LPP: variants seen among roughly 807,000 people sequenced by gnomAD.
The protein encoded by LPP is lipoma-preferred partner.
A neutral mutation model predicts 60.4 loss-of-function variants in LPP; 38 were observed. The observed-to-expected ratio is 0.63, with a 90% CI of 0.49 to 0.83. LPP has a LOEUF of 0.83. Among genes scored for constraint, LPP ranks in the 40% least tolerant of loss-of-function variants. LPP has a pLI of 0.00. For synonymous variants in LPP, 328 were observed against 290.8 expected, an observed-to-expected ratio of 1.13 and a Z score of -1.30; for missense variants, 902 against 783.6, an observed-to-expected ratio of 1.15 and a Z score of -1.80.
At chr3:188,720,623 AG>A (rs1234103422) in intron 8 of LPP, among the ~76,000 whole-genome samples, 6 of 150,200 alleles carry the variant, frequency 4.0e-5, no homozygotes, top group Non-Finnish European at 5.9e-5. Flanking sequence ...AAAAAAAAAA[AG>A]GGAAATCACA....
At chr3:188,413,033 C>A (rs1785255810) in intron 4 of LPP, among the ~76,000 whole-genome samples, 2 of 152,096 alleles carry the variant, frequency 1.3e-5, no homozygotes, top group South Asian at 4.1e-4. Context: ...TTCCTAGGAA[C>A]TGATGAGTCC....
intron 1 of LPP, among the ~76,000 whole-genome samples, chr3:188,161,677 A>G (rs1371089359): frequency 6.6e-6 from 1 of 152,194 alleles, no homozygotes; most frequent in African/African-American, 2.4e-5. Context: ...CCCTGTTTCC[A>G]GGTATTTTTC....
intron 2 of LPP, among the ~76,000 whole-genome samples, chr3:188,299,773 G>T (rs1749140109): frequency 6.6e-6 from 1 of 152,092 alleles, no homozygotes; most frequent in African/African-American, 2.4e-5. Context: ...CCTTTCTTGA[G>T]AAAAATGGAT....
At chr3:188,488,032 T>C (rs1364877879) in intron 5 of LPP, among the ~76,000 whole-genome samples, 2 of 151,868 alleles carry the variant, frequency 1.3e-5, no homozygotes, top group Admixed American at 1.3e-4. Context: ...TTTTTTTTTT[T>C]TTTTGGAAAT....
At chr3:188,693,889 C>T (rs190485116) in intron 7 of LPP, among the ~76,000 whole-genome samples, 25 of 152,250 alleles carry the variant, frequency 1.6e-4, no homozygotes, top group Middle Eastern at 3.4e-3. Flanking sequence ...GAGAATTAAA[C>T]GAATATTGAA....
chr3:188,707,750 A>G (rs1865770215), intron 7 of LPP, among the ~76,000 whole-genome samples: 1 of 152,086 alleles, frequency 6.6e-6, no homozygotes, highest in Non-Finnish European at 1.5e-5. Flanking sequence ...GAGTGTGAGA[A>G]ACTTCTACCT....
intron 7 of LPP, among the ~76,000 whole-genome samples, chr3:188,675,039 G>A (rs1277930672): frequency 6.8e-6 from 1 of 146,524 alleles, no homozygotes; most frequent in African/African-American, 2.5e-5. Flanking sequence ...GATTACGAGG[G>A]CATAGGAGTA....
rs1857017113 is a variant in LPP at position 188,671,829 on chromosome 3, A to G, written c.1114-36438A>G. ...GGAGACTCTAGGCCCGGAATGGGTG[A>G]AATACCAGAAGTTGCATTTGAATAT... On this transcript the variant is annotated intron_variant, in intron 7 of 11. Transcript: ENST00000617246. Among the ~76,000 whole-genome samples the G allele has an allele frequency of 1.3e-5, 2 of 152,222 alleles. 1 individual carries two copies. Among genetic ancestry groups the G allele is most frequent in the African/African-American group, 4.8e-5 (2 of 41,454 alleles).
chr3:188,670,414 A>G (rs1405519384), intron 7 of LPP, among the ~76,000 whole-genome samples: 1 of 151,946 alleles, frequency 6.6e-6, no homozygotes, highest in Non-Finnish European at 1.5e-5. Context: ...AATATCATTT[A>G]CTGAGAAAAT....
intron 3 of LPP, among the ~76,000 whole-genome samples, chr3:188,373,671 G>C (rs1395290487): frequency 6.6e-6 from 1 of 152,070 alleles, no homozygotes; most frequent in Non-Finnish European, 1.5e-5. Context: ...TGTTCACTCT[G>C]ATGGTAGTTT....
intron 5 of LPP, 121 bp from the exon 6 acceptor site, chr3:188,524,544 T>C: frequency 1.0e-6 from 1 of 987,634 alleles, no homozygotes; most frequent in East Asian, 2.6e-5. Flanking sequence ...GAAAGCTTAA[T>C]TAAAAAAAAA....
chr3:188,300,278 T>C (rs1749345096), intron 2 of LPP, among the ~76,000 whole-genome samples: 1 of 152,178 alleles, frequency 6.6e-6, no homozygotes, highest in Non-Finnish European at 1.5e-5. Context: ...TAACACTGTA[T>C]TGTAAACATT....
rs151219614 is a variant in LPP at position 188,764,532 on chromosome 3, A to G, written c.1410+4250A>G. Among the ~76,000 whole-genome samples, 759 of 152,286 alleles carry G rather than the reference A, an allele frequency of 5.0e-3. 5 individuals are homozygous for G. The highest frequency in any genetic ancestry group is 0.016 in the African/African-American group (657 of 41,552). ...TAAATAAATGTCATGGAAGGAATAT[A>G]AGGACACATATTAAAAGCGGAGGTT... On this transcript the variant is annotated intron_variant, in intron 9 of 11. Coordinates refer to ENST00000617246, the MANE Select transcript of LPP (RefSeq NM_001375462.1).
chr3:188,780,684 A>G (rs1332978260), intron 9 of LPP, among the ~76,000 whole-genome samples: 1 of 151,740 alleles, frequency 6.6e-6, no homozygotes, highest in Non-Finnish European at 1.5e-5. Flanking sequence ...TACCTTCCTG[A>G]CCTCAAGACC....
At chr3:188,327,688 G>A (rs1248229993) in intron 2 of LPP, among the ~76,000 whole-genome samples, 2 of 152,138 alleles carry the variant, frequency 1.3e-5, no homozygotes, top group South Asian at 4.1e-4. Context: ...CAAGAAAGTA[G>A]CAGCTATATA....
chr3:188,756,340 TTGAC>T (rs1730240664), intron 8 of LPP, among the ~76,000 whole-genome samples: 1 of 152,212 alleles, frequency 6.6e-6, no homozygotes, highest in Non-Finnish European at 1.5e-5. Flanking sequence ...GATCTTTTGA[TTGAC>T]TGACTGCTCA....
intron 8 of LPP, among the ~76,000 whole-genome samples, chr3:188,718,200 G>T (rs1470467948): frequency 6.6e-6 from 1 of 152,138 alleles, no homozygotes; most frequent in Admixed American, 6.5e-5. Flanking sequence ...AATTATCTAG[G>T]AAAATCCTTC....
intron 1 of LPP, among the ~76,000 whole-genome samples, chr3:188,185,983 T>C (rs1036734913): frequency 6.6e-6 from 1 of 152,172 alleles, no homozygotes; most frequent in Non-Finnish European, 1.5e-5. Flanking sequence ...TTTAGAAACC[T>C]GAGAGAAGAA....
intron 2 of LPP, among the ~76,000 whole-genome samples, chr3:188,324,437 C>A (rs943861105): frequency 6.6e-6 from 1 of 152,158 alleles, no homozygotes; most frequent in Non-Finnish European, 1.5e-5. Context: ...CAGCATCACC[C>A]GAAATGCGTC....
Sources: gnomAD v4.1 joint callset for allele counts (sites outside exome capture counted in the v4.1 genomes callset) on GRCh38, gnomAD v4.1.1 for gene constraint, MANE v1.5 for transcripts, NCBI Gene and HGNC (gene_info 2026-07-23, HGNC 2026-07-21) for gene names.